CNTN4: variants seen among roughly 807,000 people sequenced by gnomAD.
The protein encoded by CNTN4 is contactin-4.
CNTN4 carries 77 observed loss-of-function variants against 122.5 expected under a neutral mutation model. The ratio of observed to expected loss-of-function variants is 0.63; its 90% CI spans 0.52 to 0.76. The LOEUF (loss-of-function observed/expected upper bound fraction) is 0.76, where lower values mean the gene tolerates loss of function less well. CNTN4 is among the 30% of genes least tolerant of loss of function. CNTN4 has a pLI of 0.00. For missense variants in CNTN4, 1,256 were observed against 1,259.1 expected (o/e 1.00, Z 0.04); for synonymous variants, 512 against 447.0 (o/e 1.15, Z -1.83).
At chr3:2,663,298 T>C (rs2083994615) in intron 4 of CNTN4, among the ~76,000 whole-genome samples, 1 of 152,254 alleles carries the variant, frequency 6.6e-6, no homozygotes, top group East Asian at 1.9e-4. Flanking sequence ...TAACAAGTAA[T>C]TGATGGCATA....
chr3:2,935,414 T>C (rs12054419), intron 13 of CNTN4, among the ~76,000 whole-genome samples: 1 of 151,964 alleles, frequency 6.6e-6, no homozygotes, highest in East Asian at 1.9e-4. Flanking sequence ...ACTCCCCTGG[T>C]TTTCAGGCCT....
intron 2 of CNTN4, among the ~76,000 whole-genome samples, chr3:2,153,298 A>G (rs73015067): frequency 1.2e-3 from 188 of 152,350 alleles, no homozygotes; most frequent in Non-Finnish European, 1.3e-3. Context: ...CATCATTACA[A>G]TGTCTGGAAG....
intron 2 of CNTN4, among the ~76,000 whole-genome samples, chr3:2,300,546 TAC>T (rs924521946): frequency 3.3e-5 from 5 of 149,952 alleles, no homozygotes; most frequent in Non-Finnish European, 5.9e-5. Flanking sequence ...TGAGTTTATT[TAC>T]ACAGTGACCG....
intron 14 of CNTN4, among the ~76,000 whole-genome samples, chr3:2,990,711 T>C (rs928426682): frequency 1.1e-4 from 16 of 152,228 alleles, no homozygotes; most frequent in Non-Finnish European, 5.9e-5. Flanking sequence ...AGGGATTAAA[T>C]ACGTTATAGT....
intron 3 of CNTN4, among the ~76,000 whole-genome samples, chr3:2,349,594 C>T (rs2044530870): frequency 6.6e-6 from 1 of 152,090 alleles, no homozygotes; most frequent in Non-Finnish European, 1.5e-5. Flanking sequence ...CATGTTTTAT[C>T]CATGAAAATT....
chr3:2,292,234 T>C lies in CNTN4; in HGVS notation c.-144-46944T>C, dbSNP rs574086986. 2.0e-5 allele frequency among the ~76,000 whole-genome samples: 3 copies of C among 152,320 alleles called. No homozygotes were observed. The South Asian group carries it at 6.2e-4, about 32-fold the overall frequency. The stretch of plus-strand genomic sequence containing the variant: ...CTTCTGGATTCTTCTCTAATAGTGT[T>C]ATATTTATAAGCTTGTCTCTTGCAC... On this transcript the variant is annotated intron_variant, in intron 2 of 24. Coordinates refer to ENST00000418658, the MANE Select transcript of CNTN4 (RefSeq NM_175607.3).
chr3:2,253,437 G>T (rs1053248565), intron 2 of CNTN4, among the ~76,000 whole-genome samples: 2 of 152,000 alleles, frequency 1.3e-5, no homozygotes, highest in Non-Finnish European at 2.9e-5. Context: ...CGAAACAAAA[G>T]AACAAATATT....
chr3:2,682,517 T>G (rs977405731), intron 4 of CNTN4, among the ~76,000 whole-genome samples: 8 of 152,184 alleles, frequency 5.3e-5, no homozygotes, highest in African/African-American at 1.9e-4. Context: ...GTGCATTTAG[T>G]TTACAGACCC....
At chr3:2,462,840 G>A (rs1241416260) in intron 3 of CNTN4, among the ~76,000 whole-genome samples, 1 of 152,088 alleles carries the variant, frequency 6.6e-6, no homozygotes, top group East Asian at 1.9e-4. Flanking sequence ...GATAATCCAA[G>A]CAAAAGAAAT....
At chr3:2,747,340 C>T (rs10865815) in intron 6 of CNTN4, among the ~76,000 whole-genome samples, 125,004 of 149,832 alleles carry the variant, frequency 0.83, 53,034 homozygotes, top group Non-Finnish European at 0.91. Context: ...ACCCGGGAGG[C>T]GGAGCTTGCA....
In CNTN4 at chr3:2,287,682, GA is replaced by G. The variant is rs1559415599; in HGVS notation, c.-144-51494del. On this transcript the variant is annotated intron_variant, in intron 2 of 24. Transcript: ENST00000418658. ...AGAAGAAGAAGAAGAAGAAGAAGAAGAAGAAGAAGAGGAAGAAGAAGAAGAA... is the reference window on the plus strand; with the variant it reads ...AGAAGAAGAAGAAGAAGAAGAAGAAGAGAAGAAGAGGAAGAAGAAGAAGAA... Among the ~76,000 whole-genome samples, 325 of 93,094 alleles carry G rather than the reference GA, an allele frequency of 3.5e-3. 9 individuals carry two copies. Among genetic ancestry groups the G allele is most frequent in the South Asian group, 0.012 (28 of 2,354 alleles). 61.1% of individuals were successfully genotyped at this position (93,094 alleles called of 152,430 possible).
At chr3:2,951,991 T>A (rs2094750358) in intron 13 of CNTN4, among the ~76,000 whole-genome samples, 1 of 152,126 alleles carries the variant, frequency 6.6e-6, no homozygotes. Flanking sequence ...GATTCCCAAC[T>A]CTATACCCAG....
intron 2 of CNTN4, among the ~76,000 whole-genome samples, chr3:2,182,658 T>C (rs1030836413): frequency 1.3e-5 from 2 of 152,132 alleles, no homozygotes; most frequent in Non-Finnish European, 2.9e-5. Flanking sequence ...CAAAATGCCA[T>C]GGGCTATATG....
intron 2 of CNTN4, among the ~76,000 whole-genome samples, chr3:2,162,974 G>A (rs531069308): frequency 2.2e-4 from 33 of 152,258 alleles, no homozygotes; most frequent in Admixed American, 1.8e-3. Context: ...GTGCACACGT[G>A]TAGTCACAGC....
chr3:2,763,150 T>C (rs2090674699), intron 6 of CNTN4, among the ~76,000 whole-genome samples: 1 of 152,102 alleles, frequency 6.6e-6, no homozygotes, highest in African/African-American at 2.4e-5. Context: ...TTTCACCATG[T>C]TAGCCAGGAT....
chr3:2,110,361 G>A (rs896343012), intron 2 of CNTN4: 14 of 152,196 alleles, frequency 9.2e-5, no homozygotes, highest in African/African-American at 2.9e-4. Flanking sequence ...GTAAGCATTA[G>A]GTAAATGAAC....
intron 4 of CNTN4, among the ~76,000 whole-genome samples, chr3:2,608,603 T>A (rs1390982182): frequency 2.0e-5 from 3 of 152,214 alleles, no homozygotes; most frequent in African/African-American, 7.2e-5. Context: ...TGCCTCAGCT[T>A]CCTGAGTAGC....
intron 3 of CNTN4, among the ~76,000 whole-genome samples, chr3:2,359,069 T>G (rs2045001100): frequency 1.3e-5 from 2 of 152,214 alleles, no homozygotes; most frequent in Admixed American, 1.3e-4. Context: ...CTCATCCAAG[T>G]AAAACAATTG....
intron 4 of CNTN4, among the ~76,000 whole-genome samples, chr3:2,605,624 G>A (rs1242431183): frequency 6.6e-6 from 1 of 152,138 alleles, no homozygotes; most frequent in Non-Finnish European, 1.5e-5. Flanking sequence ...AAGTGGTGGA[G>A]GTAGAGATTG....
Sources: gnomAD v4.1 joint callset for allele counts (sites outside exome capture counted in the v4.1 genomes callset) on GRCh38, gnomAD v4.1.1 for gene constraint, MANE v1.5 for transcripts, NCBI Gene and HGNC (gene_info 2026-07-23, HGNC 2026-07-21) for gene names.